Variants in DAB1 observed in about 807,000 individuals in gnomAD.
DAB1 encodes the protein DAB adaptor protein 1, also known as disabled homolog 1.
DAB1 carries 15 observed loss-of-function variants against 64.6 expected under a neutral mutation model. The observed-to-expected ratio is 0.23, with a 90% CI of 0.16 to 0.36. The LOEUF is 0.36. Among genes scored for constraint, DAB1 ranks in the 10% least tolerant of loss-of-function variants. The pLI is 1.00. For synonymous variants in DAB1, 235 were observed against 251.9 expected (o/e 0.93, Z 0.64); for missense variants, 596 against 706.7 (o/e 0.84, Z 1.78).
At chr1:57,773,020 C>T (rs3131745) in intron 6 of DAB1, among the ~76,000 whole-genome samples, 87,982 of 151,616 alleles carry the variant, frequency 0.58, 25,668 homozygotes, top group East Asian at 0.65. Flanking sequence ...TGTATAAACC[C>T]AGGAATACCA....
intron 7 of DAB1, among the ~76,000 whole-genome samples, chr1:57,432,207 T>A (rs1330431425): frequency 6.6e-6 from 1 of 152,096 alleles, no homozygotes; most frequent in Non-Finnish European, 1.5e-5. Flanking sequence ...CTGCCACATA[T>A]TTTGTAGCCT....
At chr1:57,369,110 T>C (rs1680291539) in intron 1 of DAB1, among the ~76,000 whole-genome samples, 1 of 152,180 alleles carries the variant, frequency 6.6e-6, no homozygotes, top group African/African-American at 2.4e-5. Flanking sequence ...ATGGTGGAGC[T>C]AGACTGATTC....
chr1:58,153,773 C>A (rs969245198), intron 4 of DAB1, among the ~76,000 whole-genome samples: 1 of 150,616 alleles, frequency 6.6e-6, no homozygotes, highest in Non-Finnish European at 1.5e-5. Flanking sequence ...ACTGTGGGAG[C>A]CTTGTTCTCT....
At chr1:58,423,949 T>C (rs1305235571) in intron 3 of DAB1, among the ~76,000 whole-genome samples, 1 of 152,202 alleles carries the variant, frequency 6.6e-6, no homozygotes, top group Admixed American at 6.5e-5. Flanking sequence ...AAGGAAAGGA[T>C]CTAAGAGAGA....
At chr1:57,536,475 T>C (rs1644729504) in intron 7 of DAB1, among the ~76,000 whole-genome samples, 1 of 152,176 alleles carries the variant, frequency 6.6e-6, no homozygotes, top group Admixed American at 6.5e-5. Flanking sequence ...AGCAGATTCT[T>C]AATGTCAGCA....
chr1:57,002,204 C>A (rs1314614410), intron 14 of DAB1, among the ~76,000 whole-genome samples: 3 of 152,152 alleles, frequency 2.0e-5, no homozygotes, highest in African/African-American at 7.2e-5. Flanking sequence ...GTAAGTGAAA[C>A]ACCCAATTTT....
intron 6 of DAB1, among the ~76,000 whole-genome samples, chr1:57,733,529 C>A (rs535219586): frequency 1.3e-5 from 2 of 152,140 alleles, no homozygotes; most frequent in East Asian, 3.9e-4. Flanking sequence ...TTCCAAGGAC[C>A]TTACAAGATT....
At position 57,735,594 on chromosome 1, in the gene DAB1, C is replaced by T. The variant is rs189439724; in HGVS notation, n.552-85929G>A. On this transcript the variant is annotated intron_variant and non_coding_transcript_variant, in intron 6 of 20. Coordinates refer to the DAB1 transcript ENST00000485760. ...TCCTTTGGGTTAGATGTTCACTTTC[C>T]CATTCTGTTTGCTTGTTTTTTTTTT... 3.4e-5 allele frequency among the ~76,000 whole-genome samples: 5 copies of T among 146,730 alleles called. No homozygotes were observed. In the East Asian group the frequency reaches 1.0e-3, roughly 29 times the overall value.
At chr1:57,859,010 T>C (rs1199069665) in intron 1 of DAB1, among the ~76,000 whole-genome samples, 1 of 151,968 alleles carries the variant, frequency 6.6e-6, no homozygotes, top group African/African-American at 2.4e-5. Context: ...AACCTATTTT[T>C]CCATCAGGCA....
chr1:58,250,535 C>T (rs1035239551), intron 4 of DAB1, among the ~76,000 whole-genome samples: 4 of 152,216 alleles, frequency 2.6e-5, no homozygotes, highest in East Asian at 3.9e-4. Context: ...TCTTTCATAC[C>T]TTATACATCA....
At chr1:57,241,623 A>G (rs1668500417) in intron 2 of DAB1, among the ~76,000 whole-genome samples, 1 of 152,172 alleles carries the variant, frequency 6.6e-6, no homozygotes, top group East Asian at 1.9e-4. Context: ...ACTGCCACCA[A>G]GGTTTGCAGT....
At chr1:57,384,355 CG>C (rs1186797315) in intron 1 of DAB1, among the ~76,000 whole-genome samples, 5 of 152,200 alleles carry the variant, frequency 3.3e-5, no homozygotes, top group Admixed American at 1.3e-4. Flanking sequence ...ATGACGGTTC[CG>C]CAAAAAGGTA....
At chr1:58,358,953 AACAC>A (rs57077530) in intron 3 of DAB1, among the ~76,000 whole-genome samples, 3,671 of 123,946 alleles carry the variant, frequency 0.03, 82 homozygotes, top group South Asian at 0.12. Context: ...CTCTCTCTGT[AACAC>A]ACACACACAC....
intron 3 of DAB1, among the ~76,000 whole-genome samples, chr1:58,461,392 C>A (rs1355628622): frequency 6.6e-6 from 1 of 152,096 alleles, no homozygotes; most frequent in Non-Finnish European, 1.5e-5. Flanking sequence ...GAAACTTGCT[C>A]TCATTCTTTT....
chr1:58,535,105 A>G (rs1193587639), intron 1 of DAB1, among the ~76,000 whole-genome samples: 4 of 152,232 alleles, frequency 2.6e-5, no homozygotes, highest in Non-Finnish European at 5.9e-5. Flanking sequence ...TGTTTTACTC[A>G]CAGATTGAAA....
chr1:57,777,427 C>T (rs1649864201), intron 6 of DAB1, among the ~76,000 whole-genome samples: 1 of 151,742 alleles, frequency 6.6e-6, no homozygotes, highest in East Asian at 1.9e-4. Flanking sequence ...AAATTACGTA[C>T]ACGTTAAATC....
intron 4 of DAB1, among the ~76,000 whole-genome samples, chr1:58,287,801 C>T (rs1196395935): frequency 6.6e-6 from 1 of 151,978 alleles, no homozygotes; most frequent in Non-Finnish European, 1.5e-5. Context: ...GCAGGCAGAT[C>T]ATTTGAGGTC....
intron 4 of DAB1, among the ~76,000 whole-genome samples, chr1:57,080,003 C>T (rs1057415490): frequency 7.2e-5 from 11 of 152,188 alleles, no homozygotes; most frequent in Non-Finnish European, 1.5e-4. Flanking sequence ...GCATCAAGTA[C>T]AGTGCCTGAT....
At chr1:58,093,854 C>T (rs1650829632) in intron 5 of DAB1, among the ~76,000 whole-genome samples, 1 of 152,152 alleles carries the variant, frequency 6.6e-6, no homozygotes, top group Non-Finnish European at 1.5e-5. Flanking sequence ...GACTACGGAG[C>T]ACTGGGGAAC....
Sources: allele counts gnomAD v4.1 joint callset (sites outside exome capture counted in the v4.1 genomes callset), GRCh38; gene constraint gnomAD v4.1.1; transcripts MANE v1.5; gene names NCBI Gene and HGNC (gene_info 2026-07-23, HGNC 2026-07-21).